The following CD40LG variants were observed in gnomAD, a reference collection of about 807,000 sequenced individuals.
CD40LG encodes the protein CD40 ligand, also known as CD40 antigen ligand.
A neutral mutation model predicts 17.2 loss-of-function variants in CD40LG; 1 was observed. The observed-to-expected ratio is 0.06, with a 90% CI of 0.02 to 0.28. The LOEUF is 0.28. CD40LG is among the 10% of genes least tolerant of loss of function. The pLI is 1.00. For synonymous variants in CD40LG, 66 were observed against 74.4 expected (o/e 0.89, Z 0.58); for missense variants, 133 against 193.2 (o/e 0.69, Z 1.85).
At chrX:136,648,749 A>C (rs1028243044) in intron 1 of CD40LG, among the ~76,000 whole-genome samples, 3 of 112,269 alleles carry the variant, frequency 2.7e-5, no homozygotes, top group East Asian at 5.6e-4. Flanking sequence ...GGGGTCTGAT[A>C]CATAGTAAGC....
At chrX:136,655,745 C>T (rs941000886) in intron 3 of CD40LG, among the ~76,000 whole-genome samples, 14 of 111,975 alleles carry the variant, frequency 1.3e-4, no homozygotes, top group African/African-American at 4.5e-4. Context: ...GCCTAGAAGT[C>T]TTCAGGGAAA....
chrX:136,652,984 G>A (rs764278750), intron 2 of CD40LG, among the ~76,000 whole-genome samples: 2 of 110,867 alleles, frequency 1.8e-5, no homozygotes, highest in South Asian at 7.7e-4. Flanking sequence ...GTGGTTGGGC[G>A]AAAGTTCACG....
intron 1 of CD40LG, among the ~76,000 whole-genome samples, chrX:136,649,734 A>G (rs1603319570): frequency 8.8e-6 from 1 of 113,000 alleles, no homozygotes; most frequent in Non-Finnish European, 1.9e-5. Flanking sequence ...CTTTGAGGAT[A>G]AAAGATGATT....
chrX:136,658,129 T>C (rs1038320607), intron 4 of CD40LG, among the ~76,000 whole-genome samples: 2 of 111,967 alleles, frequency 1.8e-5, no homozygotes, highest in Non-Finnish European at 3.8e-5. Flanking sequence ...GGGCGAGTCT[T>C]ACCAGGTGGG....
chrX:136,658,720 T>C (rs1043735640), intron 4 of CD40LG, among the ~76,000 whole-genome samples: 5 of 112,226 alleles, frequency 4.5e-5, no homozygotes, highest in African/African-American at 1.6e-4. Flanking sequence ...GCAAATTGGC[T>C]ATAAGAACTC....
intron 4 of CD40LG, among the ~76,000 whole-genome samples, chrX:136,657,296 G>A (rs192577050): frequency 9.3e-4 from 104 of 111,737 alleles, no homozygotes; most frequent in Non-Finnish European, 1.3e-3. Flanking sequence ...CTCAGTAGGC[G>A]TAACACATGG....
At chrX:136,652,067 T>C (rs1200157409) in intron 2 of CD40LG, among the ~76,000 whole-genome samples, 2 of 111,147 alleles carry the variant, frequency 1.8e-5, no homozygotes, top group African/African-American at 6.6e-5. Flanking sequence ...TATGCTTGTA[T>C]GAAAAAAGTG....
In CD40LG at chrX:136,659,608, G is replaced by T; in HGVS notation, c.*193G>T. 1.1e-5 allele frequency: 5 copies of T among 449,898 alleles called. No homozygotes were observed. Among genetic ancestry groups the T allele is most frequent in the Non-Finnish European group, 3.8e-6 (1 of 265,191 alleles). The allele number at this position is 449,898 out of a possible 1,213,427, so 37.1% of individuals were successfully genotyped here. A position where few individuals can be genotyped will look rare whatever the true frequency, so the allele number is the denominator to read the frequency against. On this transcript the variant is annotated 3_prime_UTR_variant, in exon 5 of 5. Coordinates refer to ENST00000370629, the MANE Select transcript of CD40LG (RefSeq NM_000074.3). ...TTACAGGTCACATGAAACCAAAACGGGCCCTGCTCCATAAGAGCTTATATA... is the reference window on the plus strand; with the variant it reads ...TTACAGGTCACATGAAACCAAAACGTGCCCTGCTCCATAAGAGCTTATATA...
chrX:136,658,774 T>A (rs2148553583), intron 4 of CD40LG, among the ~76,000 whole-genome samples: 1 of 111,720 alleles, frequency 9.0e-6, no homozygotes, highest in South Asian at 3.8e-4. Context: ...CTTTATTTAA[T>A]CTTCACAAGT....
chrX:136,651,951 T>C (rs1330301744), intron 2 of CD40LG, among the ~76,000 whole-genome samples: 1 of 111,548 alleles, frequency 9.0e-6, no homozygotes, highest in Admixed American at 9.5e-5. Context: ...ACGGTTGAAT[T>C]GTCAATTCCT....
chrX:136,655,047 G>A (rs1243650101), intron 3 of CD40LG, among the ~76,000 whole-genome samples: 2 of 111,337 alleles, frequency 1.8e-5, no homozygotes, highest in Non-Finnish European at 3.8e-5. Flanking sequence ...AGCCTGATCC[G>A]TCTTTGAATG....
intron 3 of CD40LG, among the ~76,000 whole-genome samples, chrX:136,655,279 C>A (rs976665141): frequency 1.8e-5 from 2 of 111,678 alleles, no homozygotes; most frequent in South Asian, 7.5e-4. Context: ...GGCTAAAGAT[C>A]CCTGATGTCT....
At position 136,659,251 on chromosome X, in the gene CD40LG, G is replaced by T; in HGVS notation, c.622G>T (p.Ala208Ser). The T allele has an allele frequency of 8.3e-7, 1 of 1,211,787 alleles. No homozygotes were observed. Among genetic ancestry groups the T allele is most frequent in the South Asian group, 1.8e-5 (1 of 57,004 alleles). ...PGRFERILLRAANTHSSAKPC... is the reference protein window; with the variant it reads ...PGRFERILLRSANTHSSAKPC... ...TAGATTCGAGAGAATCTTACTCAGA[G>T]CTGCAAATACCCACAGTTCCGCCAA... is the stretch of plus-strand genomic sequence containing the variant. Residue 208 changes from alanine to serine, a missense_variant, in exon 5 of 5, where the codon GCT (alanine) becomes TCT (serine). Ala to Ser is a moderately conservative substitution (Grantham distance 99, BLOSUM62 1). Transcript: ENST00000370629.
At chrX:136,651,335 T>TA (rs1184852893) in intron 2 of CD40LG, among the ~76,000 whole-genome samples, 1 of 111,246 alleles carries the variant, frequency 9.0e-6, no homozygotes, top group African/African-American at 3.3e-5. Context: ...GGTATCTGGG[T>TA]AAACCAACAG....
At chrX:136,649,533 G>C (rs763614345) in intron 1 of CD40LG, among the ~76,000 whole-genome samples, 3 of 112,361 alleles carry the variant, frequency 2.7e-5, no homozygotes, top group Non-Finnish European at 5.6e-5. Context: ...AGTGACCTCA[G>C]TGGACTGATA....
intron 4 of CD40LG, among the ~76,000 whole-genome samples, chrX:136,657,596 C>A (rs1299893437): frequency 8.9e-6 from 1 of 111,962 alleles, no homozygotes; most frequent in Non-Finnish European, 1.9e-5. Context: ...AAGCCCCTCA[C>A]TAATACCAGT....
intron 3 of CD40LG, 121 bp downstream of exon 3, chrX:136,654,551 A>T (rs1219706139): frequency 6.7e-5 from 36 of 539,471 alleles, no homozygotes; most frequent in Non-Finnish European, 1.2e-4. Flanking sequence ...GAAATAAAAC[A>T]GGAACACAAT....
rs77577750 is a variant in CD40LG, at chrX:136,660,117, C to A, written c.*702C>A. On this transcript the variant is annotated 3_prime_UTR_variant, in exon 5 of 5. Transcript: ENST00000370629. ...AATCCCCCTTTCTAACACACACACA[C>A]ACACACACACACACACACACACACA... 6.1e-4 allele frequency: 46 copies of A among 75,058 alleles called. No individual in the cohort carries two copies. Among genetic ancestry groups the A allele is most frequent in the African/African-American group, 4.1e-3 (46 of 11,094 alleles). The allele number at this position is 75,058 out of a possible 1,213,427, so 6.2% of individuals were successfully genotyped here. A position where few individuals can be genotyped will look rare whatever the true frequency, so the allele number is the denominator to read the frequency against.
At chrX:136,657,528 G>A (rs779026878) in intron 4 of CD40LG, among the ~76,000 whole-genome samples, 14 of 111,650 alleles carry the variant, frequency 1.3e-4, no homozygotes, top group African/African-American at 3.6e-4. Flanking sequence ...CTGTACAACC[G>A]TAAGGTGACA....
Sources: gnomAD v4.1 joint callset for allele counts (sites outside exome capture counted in the v4.1 genomes callset) on GRCh38, gnomAD v4.1.1 for gene constraint, MANE v1.5 for transcripts, NCBI Gene and HGNC (gene_info 2026-07-23, HGNC 2026-07-21) for gene names.